CTNNA2: variants seen among roughly 807,000 people sequenced by gnomAD.
CTNNA2 encodes the protein catenin alpha-2.
Under a neutral mutation model 101.0 loss-of-function variants are expected in CTNNA2, and 42 were observed. That is an observed-to-expected ratio of 0.42 (90% CI 0.32 to 0.54). The LOEUF is 0.54. Ranked by LOEUF, CTNNA2 falls within the 20% of genes least tolerant of loss-of-function variation. The probability of loss-of-function intolerance (pLI) is 0.14; values close to 1 mark genes in which losing one functional copy is unlikely to be tolerated. For synonymous variants in CTNNA2, 450 were observed against 456.4 expected, an observed-to-expected ratio of 0.99 and a Z score of 0.18; for missense variants, 871 against 1,223.1, an observed-to-expected ratio of 0.71 and a Z score of 4.29.
intron 2 of CTNNA2, among the ~76,000 whole-genome samples, chr2:79,248,536 G>T (rs1674726858): frequency 6.6e-6 from 1 of 151,990 alleles, no homozygotes; most frequent in Admixed American, 6.6e-5. Flanking sequence ...TGTATCCAGG[G>T]GCTACCATAT....
chr2:80,002,749 T>C (rs1191076288), intron 7 of CTNNA2, among the ~76,000 whole-genome samples: 2 of 152,128 alleles, frequency 1.3e-5, no homozygotes, highest in East Asian at 3.9e-4. Flanking sequence ...CAAGTATATA[T>C]TCCTGACCAT....
At chr2:80,144,932 T>C (rs754704177) in intron 7 of CTNNA2, among the ~76,000 whole-genome samples, 5 of 152,220 alleles carry the variant, frequency 3.3e-5, no homozygotes, top group Non-Finnish European at 7.4e-5. Context: ...ATCCCTCGCC[T>C]CTACCCACTA....
chr2:80,434,159 T>C (rs1681807071), intron 9 of CTNNA2, among the ~76,000 whole-genome samples: 1 of 152,198 alleles, frequency 6.6e-6, no homozygotes, highest in Non-Finnish European at 1.5e-5. Flanking sequence ...CTAATATTTC[T>C]TTAGCCTATC....
intron 7 of CTNNA2, among the ~76,000 whole-genome samples, chr2:80,015,066 A>G (rs1211171773): frequency 1.3e-5 from 2 of 152,286 alleles, no homozygotes; most frequent in Non-Finnish European, 1.5e-5. Flanking sequence ...GGGGGAGTCT[A>G]TTTAATTTTT....
At chr2:79,972,673 TAA>T (rs1168147456) in intron 7 of CTNNA2, among the ~76,000 whole-genome samples, 1 of 152,150 alleles carries the variant, frequency 6.6e-6, no homozygotes, top group Non-Finnish European at 1.5e-5. Flanking sequence ...AGAGCAGTAA[TAA>T]AGAGTCATAT....
intron 7 of CTNNA2, among the ~76,000 whole-genome samples, chr2:80,293,589 G>T (rs1675461267): frequency 6.6e-6 from 1 of 152,136 alleles, no homozygotes; most frequent in Admixed American, 6.5e-5. Flanking sequence ...CTGGCCAAAT[G>T]TATGCTACCC....
chr2:80,159,091 G>GA (rs1704154419), intron 7 of CTNNA2, among the ~76,000 whole-genome samples: 2 of 152,136 alleles, frequency 1.3e-5, no homozygotes, highest in South Asian at 4.1e-4. Flanking sequence ...GTAAAGCCAC[G>GA]AAAAATATGT....
chr2:79,757,580 A>G (rs893538588), intron 3 of CTNNA2, among the ~76,000 whole-genome samples: 17 of 152,214 alleles, frequency 1.1e-4, no homozygotes, highest in African/African-American at 3.9e-4. Flanking sequence ...TGGAAAAGAG[A>G]AAAGACAAAT....
At chr2:79,409,759 C>T (rs201674899) in intron 4 of CTNNA2, among the ~76,000 whole-genome samples, 9,137 of 88,308 alleles carry the variant, frequency 0.1, no homozygotes, top group South Asian at 0.13. Flanking sequence ...GTTCTTTTGG[C>T]TTAGGATTGA....
At chr2:79,855,561 A>G (rs1681065984) in intron 3 of CTNNA2, among the ~76,000 whole-genome samples, 1 of 152,126 alleles carries the variant, frequency 6.6e-6, no homozygotes, top group African/African-American at 2.4e-5. Context: ...TGGATTAGGC[A>G]TGGTTCTTCA....
chr2:80,367,201 C>T (rs959608180), intron 7 of CTNNA2, among the ~76,000 whole-genome samples: 2 of 152,128 alleles, frequency 1.3e-5, no homozygotes, highest in South Asian at 2.1e-4. Flanking sequence ...CGTAGAAAAA[C>T]GGAAAACAAA....
intron 2 of CTNNA2, among the ~76,000 whole-genome samples, chr2:79,216,240 G>A (rs1674256331): frequency 6.6e-6 from 1 of 151,992 alleles, no homozygotes; most frequent in African/African-American, 2.4e-5. Context: ...GAGTTGAAGA[G>A]GTTTTAGGTT....
intron 7 of CTNNA2, among the ~76,000 whole-genome samples, chr2:80,312,555 A>G (rs1381892399): frequency 6.6e-6 from 1 of 152,246 alleles, no homozygotes; most frequent in African/African-American, 2.4e-5. Context: ...AAGTGGGCAA[A>G]GAGAACCAGG....
chr2:80,214,043 T>C (rs1708088581), intron 7 of CTNNA2, among the ~76,000 whole-genome samples: 1 of 152,136 alleles, frequency 6.6e-6, no homozygotes, highest in Non-Finnish European at 1.5e-5. Flanking sequence ...CAACCCCTGC[T>C]TGTTTTTGTT....
At chr2:79,404,278 T>G (rs4852148) in intron 4 of CTNNA2, among the ~76,000 whole-genome samples, 119,567 of 151,838 alleles carry the variant, frequency 0.79, 47,230 homozygotes, top group East Asian at 0.93. Flanking sequence ...GATGGTAAAA[T>G]TATATTCTAC....
At chr2:79,744,681 C>G in intron 3 of CTNNA2, 99 bp downstream of exon 3, 1 of 1,200,644 alleles carries the variant, frequency 8.3e-7, no homozygotes, top group Non-Finnish European at 1.1e-6. Flanking sequence ...AAGAAGAAGT[C>G]TTACGTTTTT....
intron 7 of CTNNA2, among the ~76,000 whole-genome samples, chr2:79,985,486 C>A (rs1232523289): frequency 2.0e-5 from 3 of 152,116 alleles, no homozygotes; most frequent in African/African-American, 7.2e-5. Flanking sequence ...CCTCAGAGTC[C>A]AGTCTAGACC....
At chr2:80,330,701 G>C (rs369282390) in intron 7 of CTNNA2, among the ~76,000 whole-genome samples, 1 of 151,986 alleles carries the variant, frequency 6.6e-6, no homozygotes, top group Non-Finnish European at 1.5e-5. Flanking sequence ...GCCTTCCAGG[G>C]TCTCCACAGG....
At chr2:79,428,812 T>A (rs1345865127) in intron 4 of CTNNA2, among the ~76,000 whole-genome samples, 2 of 152,122 alleles carry the variant, frequency 1.3e-5, no homozygotes, top group African/African-American at 4.8e-5. Context: ...ACAGTCCCAA[T>A]AGACATTACA....
Sources: gnomAD v4.1 joint callset for allele counts (sites outside exome capture counted in the v4.1 genomes callset) on GRCh38, gnomAD v4.1.1 for gene constraint, MANE v1.5 for transcripts, NCBI Gene and HGNC (gene_info 2026-07-23, HGNC 2026-07-21) for gene names.